CYP39A1: variants seen among roughly 807,000 people sequenced by gnomAD.
The protein encoded by CYP39A1 is 24-hydroxycholesterol 7-alpha-hydroxylase.
Under a neutral mutation model 58.1 loss-of-function variants are expected in CYP39A1, and 49 were observed. The observed-to-expected ratio is 0.84, with a 90% CI of 0.67 to 1.07. The LOEUF (loss-of-function observed/expected upper bound fraction) is 1.07, where lower values mean the gene tolerates loss of function less well. Ranked by LOEUF, CYP39A1 falls within the 50% of genes least tolerant of loss-of-function variation. The pLI is 0.00. For synonymous variants in CYP39A1, 209 were observed against 187.6 expected (o/e 1.11, Z -0.93); for missense variants, 531 against 539.4 (o/e 0.98, Z 0.16).
intron 7 of CYP39A1, among the ~76,000 whole-genome samples, chr6:46,625,092 G>C (rs781165701): frequency 1.3e-5 from 2 of 151,884 alleles, no homozygotes; most frequent in African/African-American, 2.4e-5. Context: ...TGAAAACTGT[G>C]GACATTCATT....
chr6:46,559,099 A>G (rs1770828646), intron 10 of CYP39A1, among the ~76,000 whole-genome samples: 1 of 140,692 alleles, frequency 7.1e-6, no homozygotes, highest in Non-Finnish European at 1.5e-5. Flanking sequence ...TAGAAAATTT[A>G]AAAGAATTAA....
intron 2 of CYP39A1, among the ~76,000 whole-genome samples, chr6:46,641,434 T>C (rs928381429): frequency 1.3e-5 from 2 of 151,590 alleles, no homozygotes; most frequent in Admixed American, 6.6e-5. Flanking sequence ...GCACAAAAGG[T>C]TACATGAAAA....
chr6:46,616,461 C>G (rs376207124), intron 7 of CYP39A1, among the ~76,000 whole-genome samples: 10 of 151,574 alleles, frequency 6.6e-5, no homozygotes, highest in East Asian at 2.0e-4. Context: ...ATTATATTAC[C>G]CAGGATGGTC....
At chr6:46,649,970 G>A (rs1401654700) in intron 1 of CYP39A1, among the ~76,000 whole-genome samples, 1 of 152,060 alleles carries the variant, frequency 6.6e-6, no homozygotes, top group African/African-American at 2.4e-5. Flanking sequence ...GGTTCAATAC[G>A]CCATAAGTAG....
chr6:46,622,509 A>G (rs1029202354), intron 7 of CYP39A1, among the ~76,000 whole-genome samples: 1 of 149,666 alleles, frequency 6.7e-6, no homozygotes, highest in African/African-American at 2.5e-5. Flanking sequence ...GCTACTCAGG[A>G]GGCTGTGGCA....
At chr6:46,625,232 A>G (rs1775239853) in intron 7 of CYP39A1, among the ~76,000 whole-genome samples, 186 bp downstream of exon 7, 1 of 152,170 alleles carries the variant, frequency 6.6e-6, no homozygotes, top group Admixed American at 6.5e-5. Context: ...GTTGCACAAA[A>G]ATATGCTTGA....
intron 2 of CYP39A1, 45 bp from the exon 3 acceptor site, chr6:46,639,713 G>T (rs1216380584): frequency 6.7e-7 from 1 of 1,498,634 alleles, no homozygotes; most frequent in Admixed American, 1.9e-5. Context: ...ACAACTCCTT[G>T]AAACACACAG....
At chr6:46,619,861 A>G (rs1774848761) in intron 7 of CYP39A1, among the ~76,000 whole-genome samples, 7 of 152,134 alleles carry the variant, frequency 4.6e-5, no homozygotes, top group Admixed American at 4.6e-4. Context: ...TCAAAAAATA[A>G]GTTTGAGGGC....
intron 10 of CYP39A1, among the ~76,000 whole-genome samples, chr6:46,573,696 C>T (rs934547166): frequency 7.9e-5 from 12 of 152,146 alleles, no homozygotes; most frequent in African/African-American, 2.9e-4. Context: ...GAGCCAGAGT[C>T]CTGGGCTCAG....
rs371060478 is a variant in CYP39A1, at chr6:46,587,067, T to A, written c.1250+10A>T. The A allele has an allele frequency of 1.1e-5, 17 of 1,603,368 alleles. No homozygotes were observed. The highest frequency in any genetic ancestry group is 1.3e-5 in the African/African-American group (1 of 74,750). ...TTTCTGGATAAATGTGGCCCAGCTG[T>A]CTCACTGACCTTGCAGGACACTGGA... On this transcript the variant is annotated intron_variant, in intron 10 of 11. Transcript: ENST00000275016.
At chr6:46,615,975 A>G (rs1409586560) in intron 7 of CYP39A1, among the ~76,000 whole-genome samples, 1 of 143,096 alleles carries the variant, frequency 7.0e-6, no homozygotes, top group Non-Finnish European at 1.5e-5. Flanking sequence ...CATCCCTGAC[A>G]TTCCTGATTT....
chr6:46,609,697 C>T (rs1399371294), intron 7 of CYP39A1, among the ~76,000 whole-genome samples: 1 of 152,120 alleles, frequency 6.6e-6, no homozygotes, highest in Non-Finnish European at 1.5e-5. Context: ...ACACACAAGG[C>T]TTGTGCTATC....
chr6:46,635,920 A>G (rs1775957330), intron 5 of CYP39A1, among the ~76,000 whole-genome samples: 1 of 152,186 alleles, frequency 6.6e-6, no homozygotes, highest in African/African-American at 2.4e-5. Context: ...TTTATGGGCC[A>G]CATTTGAAGA....
chr6:46,580,165 A>T (rs1169780791), intron 10 of CYP39A1, among the ~76,000 whole-genome samples: 1 of 152,218 alleles, frequency 6.6e-6, no homozygotes, highest in East Asian at 1.9e-4. Context: ...CATATGGACC[A>T]ATGGAACAAA....
intron 10 of CYP39A1, among the ~76,000 whole-genome samples, chr6:46,568,362 T>G (rs1290102943): frequency 6.6e-6 from 1 of 152,124 alleles, no homozygotes; most frequent in Non-Finnish European, 1.5e-5. Context: ...CCTTTTTGTT[T>G]TGTTGATACT....
At chr6:46,552,953 C>G (rs1231314845) in intron 11 of CYP39A1, among the ~76,000 whole-genome samples, 1 of 151,136 alleles carries the variant, frequency 6.6e-6, no homozygotes, top group Non-Finnish European at 1.5e-5. Flanking sequence ...GAGGCTGAGG[C>G]ATGAGAACCA....
intron 1 of CYP39A1, among the ~76,000 whole-genome samples, 174 bp downstream of exon 1, chr6:46,652,232 A>C (rs1239872209): frequency 1.3e-5 from 2 of 152,224 alleles, no homozygotes; most frequent in African/African-American, 4.8e-5. Context: ...AAAATTTTGC[A>C]CAGGATATTG....
chr6:46,639,385 G>A, intron 3 of CYP39A1, 109 bp downstream of exon 3: 2 of 1,058,554 alleles, frequency 1.9e-6, no homozygotes, highest in South Asian at 1.5e-5. Context: ...AGCCTAGTTA[G>A]GTAGATTTCA....
At chr6:46,588,811 G>T (rs1051266348) in intron 8 of CYP39A1, among the ~76,000 whole-genome samples, 1 of 152,162 alleles carries the variant, frequency 6.6e-6, no homozygotes, top group Non-Finnish European at 1.5e-5. Flanking sequence ...TTGTGGAAAT[G>T]AGGATAAACA....
Sources: allele counts gnomAD v4.1 joint callset (sites outside exome capture counted in the v4.1 genomes callset), GRCh38; gene constraint gnomAD v4.1.1; transcripts MANE v1.5; gene names NCBI Gene and HGNC (gene_info 2026-07-23, HGNC 2026-07-21).